The following CEP112 variants were observed in gnomAD, a reference collection of about 807,000 sequenced individuals.
The protein encoded by CEP112 is centrosomal protein of 112 kDa.
In CEP112, 127 loss-of-function variants were observed where a neutral mutation model predicts 153.0. The ratio of observed to expected loss-of-function variants is 0.83; its 90% CI spans 0.72 to 0.96. The LOEUF (loss-of-function observed/expected upper bound fraction) is 0.96. Ranked by LOEUF, CEP112 falls within the 40% of genes least tolerant of loss-of-function variation. The pLI, the probability that CEP112 is intolerant of heterozygous loss-of-function variation, is 0.00. For synonymous variants in CEP112, 358 were observed against 374.4 expected (o/e 0.96, Z 0.51); for missense variants, 1,089 against 1,101.2 (o/e 0.99, Z 0.16).
intron 17 of CEP112, among the ~76,000 whole-genome samples, chr17:65,983,224 T>C (rs1568336695): frequency 6.6e-6 from 1 of 152,142 alleles, no homozygotes; most frequent in Non-Finnish European, 1.5e-5. Flanking sequence ...TTATGTAAAT[T>C]TTACCTCAAT....
At chr17:66,025,042 A>C (rs1598146228) in intron 16 of CEP112, among the ~76,000 whole-genome samples, 1 of 152,294 alleles carries the variant, frequency 6.6e-6, no homozygotes, top group East Asian at 1.9e-4. Flanking sequence ...TGGGGGAAGG[A>C]CACCCTTTTC....
chr17:66,121,656 C>G (rs1446518603), intron 6 of CEP112, among the ~76,000 whole-genome samples: 1 of 151,728 alleles, frequency 6.6e-6, no homozygotes, highest in Non-Finnish European at 1.5e-5. Flanking sequence ...GAATTTTTCA[C>G]TTCGGTTATA....
At chr17:65,713,824 G>A (rs886447996) in intron 23 of CEP112, among the ~76,000 whole-genome samples, 5 of 151,990 alleles carry the variant, frequency 3.3e-5, no homozygotes, top group Non-Finnish European at 7.4e-5. Flanking sequence ...TCCTGACCTC[G>A]TGATCCGCCC....
chr17:66,142,167 G>C (rs1395222437), intron 4 of CEP112, among the ~76,000 whole-genome samples: 1 of 152,102 alleles, frequency 6.6e-6, no homozygotes, highest in East Asian at 1.9e-4. Flanking sequence ...GTCCACTTTG[G>C]AGAAACGTGT....
intron 21 of CEP112, among the ~76,000 whole-genome samples, chr17:65,758,958 A>G (rs2145361068): frequency 6.6e-6 from 1 of 152,308 alleles, no homozygotes; most frequent in East Asian, 1.9e-4. Context: ...CCAGGAGGTT[A>G]AGGCAGTCGA....
chr17:66,121,149 GC>G (rs1271003970), intron 6 of CEP112, among the ~76,000 whole-genome samples: 1 of 152,160 alleles, frequency 6.6e-6, no homozygotes, highest in East Asian at 1.9e-4. Flanking sequence ...GGTGGCACAT[GC>G]CTGTAATCCC....
At chr17:65,938,480 C>T (rs2061420998) in intron 18 of CEP112, among the ~76,000 whole-genome samples, 1 of 151,100 alleles carries the variant, frequency 6.6e-6, no homozygotes, top group African/African-American at 2.4e-5. Flanking sequence ...GTATGACAAG[C>T]CCACAGGTAA....
chr17:65,682,547 T>C (rs1295638827), intron 24 of CEP112, among the ~76,000 whole-genome samples: 1 of 152,204 alleles, frequency 6.6e-6, no homozygotes, highest in Non-Finnish European at 1.5e-5. Flanking sequence ...TTCTAACGAA[T>C]GACTGAACTG....
chr17:66,154,754 AACAG>A (rs1404744374), intron 4 of CEP112, among the ~76,000 whole-genome samples: 1 of 151,532 alleles, frequency 6.6e-6, no homozygotes, highest in Non-Finnish European at 1.5e-5. Flanking sequence ...AAAAAAAAAC[AACAG>A]AGTCAACTGA....
chr17:65,693,019 C>A (rs1246145875), intron 23 of CEP112, among the ~76,000 whole-genome samples: 1 of 152,184 alleles, frequency 6.6e-6, no homozygotes, highest in Non-Finnish European at 1.5e-5. Flanking sequence ...CTATATCTAT[C>A]TCTGAACACA....
intron 25 of CEP112, among the ~76,000 whole-genome samples, chr17:65,640,137 CATATAT>C (rs762352624): frequency 1.1e-4 from 12 of 112,144 alleles, no homozygotes; most frequent in Admixed American, 1.8e-4. Flanking sequence ...TGCACCCGAC[CATATAT>C]ATATATATAT....
intron 18 of CEP112, among the ~76,000 whole-genome samples, chr17:65,935,283 T>C (rs984193007): frequency 6.6e-6 from 1 of 152,134 alleles, no homozygotes; most frequent in African/African-American, 2.4e-5. Flanking sequence ...CAAATATTCA[T>C]AGATATGAAG....
chr17:66,130,551 A>G (rs1003026963), intron 5 of CEP112, among the ~76,000 whole-genome samples: 16 of 152,062 alleles, frequency 1.1e-4, no homozygotes, highest in African/African-American at 1.9e-4. Context: ...CGAGGCGGGC[A>G]GATCACGAGG....
intron 23 of CEP112, among the ~76,000 whole-genome samples, chr17:65,709,060 T>C (rs1374714081): frequency 1.3e-5 from 2 of 152,158 alleles, no homozygotes; most frequent in East Asian, 3.9e-4. Flanking sequence ...GCATTTTTCT[T>C]GGCCTGCTGG....
intron 18 of CEP112, among the ~76,000 whole-genome samples, chr17:65,950,864 T>C (rs778901823): frequency 6.6e-6 from 1 of 152,128 alleles, no homozygotes; most frequent in Non-Finnish European, 1.5e-5. Context: ...TTTTATTAGC[T>C]GTGGAGTTTT....
intron 21 of CEP112, among the ~76,000 whole-genome samples, chr17:65,805,181 T>C (rs962513043): frequency 2.6e-5 from 4 of 152,120 alleles, no homozygotes; most frequent in Non-Finnish European, 5.9e-5. Context: ...GGAAGAGTCA[T>C]AAGTGTCCTC....
intron 6 of CEP112, among the ~76,000 whole-genome samples, chr17:66,113,593 T>C (rs529461537): frequency 2.2e-4 from 33 of 152,322 alleles, no homozygotes; most frequent in African/African-American, 7.9e-4. Flanking sequence ...AACTCCTATT[T>C]CAACCTCTTC....
intron 17 of CEP112, among the ~76,000 whole-genome samples, chr17:66,000,775 G>A (rs559203518): frequency 1.3e-5 from 2 of 152,334 alleles, no homozygotes; most frequent in East Asian, 1.9e-4. Flanking sequence ...TGCAGGGCAA[G>A]CCTGAACATG....
chr17:65,933,912 G>A (rs1410843497), intron 18 of CEP112, among the ~76,000 whole-genome samples: 4 of 152,216 alleles, frequency 2.6e-5, no homozygotes, highest in Admixed American at 6.5e-5. Flanking sequence ...AGGGAGGCCA[G>A]GTGTGGTGAC....
Sources: gnomAD v4.1 joint callset for allele counts (sites outside exome capture counted in the v4.1 genomes callset) on GRCh38, gnomAD v4.1.1 for gene constraint, MANE v1.5 for transcripts, NCBI Gene and HGNC (gene_info 2026-07-23, HGNC 2026-07-21) for gene names.